The following ADRA1A variants were observed in gnomAD, a reference collection of about 807,000 sequenced individuals.
The protein encoded by ADRA1A is adrenoceptor alpha 1A, also known as alpha-1A adrenergic receptor.
In ADRA1A, 31 loss-of-function variants were observed where a neutral mutation model predicts 29.6. That is an observed-to-expected ratio of 1.05 (90% CI 0.79 to 1.41). The LOEUF is 1.41. Ranked by LOEUF, ADRA1A falls within the 40% of genes most tolerant of loss-of-function variation. ADRA1A has a pLI of 0.00. For missense variants in ADRA1A, 619 were observed against 601.1 expected (o/e 1.03, Z -0.31); for synonymous variants, 311 against 254.3 (o/e 1.22, Z -2.12).
chr8:26,787,665 T>G lies in ADRA1A; in HGVS notation c.884-16999A>C, dbSNP rs1807497516. Among the ~76,000 whole-genome samples, 1 of 151,870 alleles carries G rather than the reference T, an allele frequency of 6.6e-6. No individual in the cohort carries two copies. The highest frequency in any genetic ancestry group is 1.5e-5 in the Non-Finnish European group (1 of 67,970). ...AAAAATATCAATGCCTGACACAGACTTCTTAGTTCTTAGTACTTGTTCCCC... is the reference window on the plus strand; with the variant it reads ...AAAAATATCAATGCCTGACACAGACGTCTTAGTTCTTAGTACTTGTTCCCC... On this transcript the variant is annotated intron_variant, in intron 2 of 2. Coordinates refer to ENST00000380573, the MANE Select transcript of ADRA1A (RefSeq NM_000680.4). This position sits in a 1 kb window ranked among gnomAD's most constrained non-coding sequence, Gnocchi z 4.2.
chr8:26,812,869 T>C (rs1028980101), intron 2 of ADRA1A, among the ~76,000 whole-genome samples: 1 of 151,966 alleles, frequency 6.6e-6, no homozygotes, highest in East Asian at 1.9e-4. Context: ...AGTTTCACCG[T>C]GTTAGCCAGG....
At chr8:26,791,566 G>A (rs1046204962) in intron 2 of ADRA1A, among the ~76,000 whole-genome samples, 2 of 152,154 alleles carry the variant, frequency 1.3e-5, no homozygotes, top group Admixed American at 6.6e-5. Context: ...GTGCCACGAA[G>A]CCTGTTTTAT....
At chr8:26,804,890 C>T (rs1808854108) in intron 2 of ADRA1A, among the ~76,000 whole-genome samples, 1 of 152,066 alleles carries the variant, frequency 6.6e-6, no homozygotes, top group South Asian at 2.1e-4. Flanking sequence ...TAGAGATAAG[C>T]CTGAAATTAT....
At chr8:26,814,269 G>A (rs1400138424) in intron 2 of ADRA1A, among the ~76,000 whole-genome samples, 2 of 151,928 alleles carry the variant, frequency 1.3e-5, no homozygotes, top group African/African-American at 2.4e-5. Flanking sequence ...CTAGAGACAG[G>A]GTCTTGCTCT....
chr8:26,785,271 A>C lies in ADRA1A; in HGVS notation c.884-14605T>G, dbSNP rs142154714. On this transcript the variant is annotated intron_variant, in intron 2 of 2. Transcript: ENST00000380573. ...GTTTCTGAGAATGAGACTAGTCTAT[A>C]TGTATTTCAATAACTCCTAAATTTT... Among the ~76,000 whole-genome samples the C allele has an allele frequency of 7.1e-3, 1,085 of 152,312 alleles. 3 individuals are homozygous for C. Among genetic ancestry groups the C allele is most frequent in the Non-Finnish European group, 0.011 (751 of 68,022 alleles).
chr8:26,790,569 G>A (rs535040291), intron 2 of ADRA1A, among the ~76,000 whole-genome samples: 2 of 152,226 alleles, frequency 1.3e-5, no homozygotes, highest in African/African-American at 4.8e-5. Context: ...TAGTTAAAAA[G>A]TTGTGATATA....
At chr8:26,791,692 A>G (rs1807847725) in intron 2 of ADRA1A, among the ~76,000 whole-genome samples, 1 of 152,202 alleles carries the variant, frequency 6.6e-6, no homozygotes, top group African/African-American at 2.4e-5. Flanking sequence ...GCCATGCCAA[A>G]GTGCTTTTTA....
chr8:26,765,194 C>T (rs2099100834), downstream of ADRA1A, among the ~76,000 whole-genome samples: 1 of 152,194 alleles, frequency 6.6e-6, no homozygotes, highest in South Asian at 2.1e-4. Flanking sequence ...GGTGGGAGAA[C>T]CAGTAATCCA....
intron 2 of ADRA1A, among the ~76,000 whole-genome samples, chr8:26,750,867 C>G (rs549790463): frequency 7.2e-5 from 11 of 152,098 alleles, no homozygotes; most frequent in African/African-American, 2.7e-4. Flanking sequence ...GTCGGGAGTT[C>G]GAGACCAGCC....
At position 26,815,288 on chromosome 8, in the gene ADRA1A, G is replaced by C. The variant is rs61104149; in HGVS notation, c.884-44622C>G. Among the ~76,000 whole-genome samples the C allele has an allele frequency of 4.6e-5, 7 of 152,274 alleles. No homozygotes were observed. The East Asian group carries it at 1.4e-3, about 29-fold the overall frequency. ...GAATACTGAAAACTATTTTGCCAGA[G>C]AACACCTAGACAGAGTGGAAAAAGT... On this transcript the variant is annotated intron_variant, in intron 2 of 2. Coordinates refer to ENST00000380573, the MANE Select transcript of ADRA1A (RefSeq NM_000680.4). The surrounding 1 kb of genome is among the most constrained non-coding windows in gnomAD (Gnocchi z 4.2).
In ADRA1A at chr8:26,812,872, T is replaced by C. The variant is rs560254675; in HGVS notation, c.884-42206A>G. 1.6e-4 allele frequency among the ~76,000 whole-genome samples: 24 copies of C among 152,094 alleles called. No homozygotes were observed. The South Asian group carries it at 4.1e-3, about 26-fold the overall frequency. ...AGTAGAGACTGGAGTTTCACCGTGT[T>C]AGCCAGGATGGTCTCGATCTCCTGA... On this transcript the variant is annotated intron_variant, in intron 2 of 2. Transcript: ENST00000380573.
chr8:26,814,237 A>T (rs957869010), intron 2 of ADRA1A, among the ~76,000 whole-genome samples: 4 of 151,996 alleles, frequency 2.6e-5, no homozygotes, highest in African/African-American at 9.7e-5. Flanking sequence ...TCCTTTCTAA[A>T]ATTTTTCATT....
chr8:26,796,592 T>A lies in ADRA1A; in HGVS notation c.884-25926A>T, dbSNP rs981909901. ...CAAGGAGGAAAGATTCGAGGACAAA[T>A]GTATCCTACACGTGGCCGCAGAGAA... On this transcript the variant is annotated intron_variant, in intron 2 of 2. Transcript: ENST00000380573. The surrounding 1 kb of genome is among the most constrained non-coding windows in gnomAD (Gnocchi z 5.0). Among the ~76,000 whole-genome samples the A allele has an allele frequency of 1.3e-5, 2 of 152,110 alleles. No homozygotes were observed. The highest frequency in any genetic ancestry group is 3.4e-3 in the Middle Eastern group (1 of 292).
intron 2 of ADRA1A, among the ~76,000 whole-genome samples, chr8:26,844,272 AG>A (rs1812044106): frequency 6.6e-6 from 1 of 152,214 alleles, no homozygotes; most frequent in Non-Finnish European, 1.5e-5. Context: ...AGTTCTGATA[AG>A]GTCAGATTTT....
rs760650826 is a variant in ADRA1A at position 26,864,184 on chromosome 8, GA to G, written c.785del (p.Leu262ProfsTer29). 1 of 1,614,022 alleles carries G rather than the reference GA, an allele frequency of 6.2e-7. No homozygotes were observed. The highest frequency in any genetic ancestry group is 1.3e-5 in the African/African-American group (1 of 74,946). ...CCGCTTTCTTCTCCCGGGAGAACTT[GA>G]GGAGCCTCACTGAGAAGTGCGTCTT... is the stretch of plus-strand genomic sequence containing the variant. ...KTKTHFSVRL[L>X]KFSREKKAAK... On this transcript the variant is annotated frameshift_variant, in exon 2 of 3. Transcript: ENST00000380573. LOFTEE classifies it high-confidence loss of function. The surrounding 1 kb of genome is among the most constrained non-coding windows in gnomAD (Gnocchi z 8.1).
At chr8:26,824,753 C>T (rs1328328489) in intron 2 of ADRA1A, among the ~76,000 whole-genome samples, 1 of 152,150 alleles carries the variant, frequency 6.6e-6, no homozygotes, top group East Asian at 1.9e-4. Flanking sequence ...AGAAAAAACA[C>T]ACACATGGCC....
chr8:26,864,197 GAGAA>G lies in ADRA1A; in HGVS notation c.769_772del (p.Phe257GlnfsTer2), dbSNP rs766301132. 3.7e-6 allele frequency: 6 copies of G among 1,614,178 alleles called. No homozygotes were observed. The East Asian group carries it at 1.3e-4, about 36-fold the overall frequency. ...CCGGGAGAACTTGAGGAGCCTCACT[GAGAA>G]GTGCGTCTTGGTCTTGGCGCTGGCC... On this transcript the variant is annotated frameshift_variant, in exon 2 of 3. Transcript: ENST00000380573. LOFTEE classifies it high-confidence loss of function. The surrounding 1 kb of genome is among the most constrained non-coding windows in gnomAD (Gnocchi z 8.1).
Position 26,865,143 on chromosome 8 carries a change from C to T in ADRA1A, c.-174G>A, listed in dbSNP as rs1813813070. The T allele has an allele frequency of 2.1e-6, 3 of 1,444,832 alleles. No homozygotes were observed. Among genetic ancestry groups the T allele is most frequent in the South Asian group, 1.4e-5 (1 of 69,600 alleles). 89.5% of individuals were successfully genotyped at this position (1,444,832 alleles called of 1,614,324 possible). On this transcript the variant is annotated 5_prime_UTR_variant, in exon 2 of 3. Coordinates refer to ENST00000380573, the MANE Select transcript of ADRA1A (RefSeq NM_000680.4). This position sits in a 1 kb window ranked among gnomAD's most constrained non-coding sequence, Gnocchi z 7.6. ...CGGGTGGGAAACAACCCTGGCCAGCCCTGGGAACCCTCAGAAGGCCACATG... is the reference window on the plus strand; with the variant it reads ...CGGGTGGGAAACAACCCTGGCCAGCTCTGGGAACCCTCAGAAGGCCACATG...
chr8:26,824,223 ATCACGAACAG>A (rs1810380657), intron 2 of ADRA1A, among the ~76,000 whole-genome samples: 1 of 152,128 alleles, frequency 6.6e-6, no homozygotes, highest in African/African-American at 2.4e-5. Context: ...TTTTTACAGA[ATCACGAACAG>A]TTTAAGCAAG....
Sources: gnomAD v4.1 joint callset for allele counts (sites outside exome capture counted in the v4.1 genomes callset) on GRCh38, gnomAD v4.1.1 for gene constraint, Gnocchi (gnomAD v3.1) non-coding constraint, MANE v1.5 for transcripts, NCBI Gene and HGNC (gene_info 2026-07-23, HGNC 2026-07-21) for gene names.